SAMD3: variants seen among roughly 807,000 people sequenced by gnomAD.
The protein encoded by SAMD3 is sterile alpha motif domain containing 3.
A neutral mutation model predicts 58.5 loss-of-function variants in SAMD3; 63 were observed. The ratio of observed to expected loss-of-function variants is 1.08; its 90% confidence interval spans 0.88 to 1.33. The LOEUF (loss-of-function observed/expected upper bound fraction) is 1.33, where lower values mean the gene tolerates loss of function less well. Ranked by LOEUF, SAMD3 falls within the 40% of genes most tolerant of loss-of-function variation. The pLI, the probability that SAMD3 is intolerant of heterozygous loss-of-function variation, is 0.00. For synonymous variants in SAMD3, 220 were observed against 210.3 expected (o/e 1.05, Z -0.40); for missense variants, 604 against 608.4 (o/e 0.99, Z 0.08).
In SAMD3 at chr6:130,231,580, TA is replaced by T. The variant is rs1351402970; in HGVS notation, c.-187-8768del. ...ACTCCGTCTCAAAAAAAAATAAAAATAAAAAAAGTAATTTTTAAGGATAGCA... is the reference window on the plus strand; with the variant it reads ...ACTCCGTCTCAAAAAAAAATAAAAATAAAAAAGTAATTTTTAAGGATAGCA... On this transcript the variant is annotated intron_variant, in intron 2 of 13. Coordinates refer to the SAMD3 transcript ENST00000368134. Among the ~76,000 whole-genome samples, 5 of 151,940 alleles carry T rather than the reference TA, an allele frequency of 3.3e-5. No individual in the cohort carries two copies. The East Asian group carries it at 5.8e-4, about 18-fold the overall frequency.
At chr6:130,293,583 A>G (rs1483651104) in intron 2 of SAMD3, among the ~76,000 whole-genome samples, 3 of 148,540 alleles carry the variant, frequency 2.0e-5, no homozygotes, top group Non-Finnish European at 4.5e-5. Context: ...CTTTAGTTAT[A>G]TTATAGTCCT....
At chr6:130,218,655 C>G (rs1796101250) in intron 1 of SAMD3, among the ~76,000 whole-genome samples, 1 of 152,130 alleles carries the variant, frequency 6.6e-6, no homozygotes, top group African/African-American at 2.4e-5. Flanking sequence ...TACAGCCAAT[C>G]ATGGTGGATG....
At chr6:130,263,980 A>C (rs1388797835) in intron 2 of SAMD3, among the ~76,000 whole-genome samples, 1 of 152,190 alleles carries the variant, frequency 6.6e-6, no homozygotes, top group Non-Finnish European at 1.5e-5. Context: ...TTACTAGAGG[A>C]TCATGGAAGT....
At chr6:130,330,569 A>C (rs549666936) in intron 1 of SAMD3, among the ~76,000 whole-genome samples, 1 of 152,294 alleles carries the variant, frequency 6.6e-6, no homozygotes, top group South Asian at 2.1e-4. Context: ...TTATGTGACC[A>C]TTGAGTTTGA....
At chr6:130,286,991 T>C (rs1160070304) in intron 2 of SAMD3, among the ~76,000 whole-genome samples, 3 of 152,362 alleles carry the variant, frequency 2.0e-5, no homozygotes, top group Non-Finnish European at 4.4e-5. Context: ...ATTACAGGCA[T>C]GAGCCACTGT....
intron 2 of SAMD3, 74 bp from the exon 3 acceptor site, chr6:130,215,368 G>C: frequency 7.9e-7 from 1 of 1,273,776 alleles, no homozygotes; most frequent in Admixed American, 2.7e-5. Flanking sequence ...TTAACAGTCA[G>C]CCGCTTCCTT....
intron 2 of SAMD3, among the ~76,000 whole-genome samples, chr6:130,286,911 T>C (rs1775176323): frequency 1.3e-5 from 2 of 152,162 alleles, no homozygotes; most frequent in Non-Finnish European, 2.9e-5. Context: ...GGTTTCACCA[T>C]GCTGCCCAGA....
At chr6:130,281,989 A>C (rs541677078) in intron 2 of SAMD3, among the ~76,000 whole-genome samples, 1 of 152,206 alleles carries the variant, frequency 6.6e-6, no homozygotes, top group African/African-American at 2.4e-5. Context: ...GCATTTGCAC[A>C]TGCCATACTC....
At chr6:130,154,798 G>A (rs757454820) in intron 9 of SAMD3, 27 bp downstream of exon 9, 2 of 1,251,852 alleles carry the variant, frequency 1.6e-6, no homozygotes, top group Admixed American at 3.5e-5. Context: ...ATATATGTGT[G>A]TGTATATATA....
chr6:130,290,159 G>GGT (rs71814905), intron 2 of SAMD3, among the ~76,000 whole-genome samples: 36 of 151,420 alleles, frequency 2.4e-4, no homozygotes, highest in South Asian at 6.3e-4. Context: ...ACCAATATGG[G>GGT]GTGTGTGTGT....
chr6:130,335,751 C>T (rs919845920), intron 1 of SAMD3, among the ~76,000 whole-genome samples: 18 of 152,050 alleles, frequency 1.2e-4, no homozygotes, highest in African/African-American at 3.6e-4. Context: ...ATAGCAAAGA[C>T]TTGGAACCAA....
intron 8 of SAMD3, among the ~76,000 whole-genome samples, chr6:130,162,886 C>T (rs1022167285): frequency 4.6e-5 from 7 of 152,146 alleles, no homozygotes; most frequent in East Asian, 3.8e-4. Flanking sequence ...CTTCTGAGCA[C>T]GTGAAATGTG....
intron 1 of SAMD3, among the ~76,000 whole-genome samples, chr6:130,218,071 G>T (rs1195809187): frequency 6.6e-6 from 1 of 152,190 alleles, no homozygotes; most frequent in Non-Finnish European, 1.5e-5. Context: ...TGATAGTGTT[G>T]TAGGACTCTC....
intron 2 of SAMD3, among the ~76,000 whole-genome samples, chr6:130,275,664 T>C (rs1774749832): frequency 6.6e-6 from 1 of 152,144 alleles, no homozygotes; most frequent in South Asian, 2.1e-4. Context: ...TATATTATAA[T>C]TATTAAATCA....
In SAMD3 at chr6:130,190,354, T is replaced by G. The variant is rs1208518527; in HGVS notation, c.384-5731A>C. 4.7e-5 allele frequency among the ~76,000 whole-genome samples: 7 copies of G among 148,592 alleles called. No individual in the cohort carries two copies. The East Asian group carries it at 1.2e-3, about 25-fold the overall frequency. ...AGAAAATGTAATCCATCCTCAAGAGTAAAGATAATCATTAGAATGTGATGC... is the reference window on the plus strand; with the variant it reads ...AGAAAATGTAATCCATCCTCAAGAGGAAAGATAATCATTAGAATGTGATGC... On this transcript the variant is annotated intron_variant, in intron 5 of 11. Coordinates refer to ENST00000439090, the MANE Select transcript of SAMD3 (RefSeq NM_001017373.4).
chr6:130,217,040 A>C (rs996499699), intron 1 of SAMD3, among the ~76,000 whole-genome samples: 3 of 152,242 alleles, frequency 2.0e-5, no homozygotes, highest in Non-Finnish European at 4.4e-5. Flanking sequence ...GGAAATGATC[A>C]TGTATTTTTA....
At chr6:130,184,693 C>T (rs540901013) in intron 5 of SAMD3, 70 bp from the exon 6 acceptor site, 10 of 1,303,422 alleles carry the variant, frequency 7.7e-6, no homozygotes, top group Non-Finnish European at 1.0e-5. Flanking sequence ...TTTGCTACAT[C>T]CTGAGAACTT....
In SAMD3 at chr6:130,187,049, T is replaced by A. The variant is rs148700256; in HGVS notation, c.384-2426A>T. 3.5e-3 allele frequency among the ~76,000 whole-genome samples: 527 copies of A among 152,024 alleles called. 5 individuals are homozygous for A. The highest frequency in any genetic ancestry group is 0.011 in the African/African-American group (442 of 41,470). On this transcript the variant is annotated intron_variant, in intron 5 of 11. Transcript: ENST00000439090. ...CCTCCCAAAGCGCTGGGATTACAGGTGTGAGCCACCGTGCCTGGGCCTTCC... is the reference window on the plus strand; with the variant it reads ...CCTCCCAAAGCGCTGGGATTACAGGAGTGAGCCACCGTGCCTGGGCCTTCC...
At chr6:130,156,515 G>A (rs1233834681) in intron 8 of SAMD3, among the ~76,000 whole-genome samples, 6 of 152,110 alleles carry the variant, frequency 3.9e-5, no homozygotes, top group Non-Finnish European at 8.8e-5. Flanking sequence ...AAACTCAAGG[G>A]TAGTTTGACA....
Sources: gnomAD v4.1 joint callset for allele counts (sites outside exome capture counted in the v4.1 genomes callset) on GRCh38, gnomAD v4.1.1 for gene constraint, MANE v1.5 for transcripts, NCBI Gene and HGNC (gene_info 2026-07-23, HGNC 2026-07-21) for gene names.